FAT4: variants seen among roughly 807,000 people sequenced by gnomAD.
FAT4 encodes the protein FAT atypical cadherin 4.
FAT4 carries 84 observed loss-of-function variants against 303.9 expected under a neutral mutation model. That is an observed-to-expected ratio of 0.28 (90% CI 0.23 to 0.33). The LOEUF is 0.33. Among genes scored for constraint, FAT4 ranks in the 10% least tolerant of loss-of-function variants. The pLI, the probability that FAT4 is intolerant of heterozygous loss-of-function variation, is 1.00. For synonymous variants in FAT4, 2,307 were observed against 2,298.8 expected, an observed-to-expected ratio of 1.00 and a Z score of -0.10; for missense variants, 6,005 against 6,146.8, an observed-to-expected ratio of 0.98 and a Z score of 0.77.
Position 125,316,369 on chromosome 4 carries a change from C to G in FAT4, c.-12-31C>G. The G allele has an allele frequency of 6.5e-7, 1 of 1,549,600 alleles. No individual in the cohort carries two copies. The highest frequency in any genetic ancestry group is 8.7e-7 in the Non-Finnish European group (1 of 1,147,488). On this transcript the variant is annotated intron_variant, in intron 1 of 17. Transcript: ENST00000394329. This position sits in a 1 kb window ranked among gnomAD's most constrained non-coding sequence, Gnocchi z 5.7. Reference sequence around the variant, plus strand: ...TGTAAATATCATTGCGTTTGCTTCACCCCTTCCTTCTCTTTATCACATCGT... The same window carrying G: ...TGTAAATATCATTGCGTTTGCTTCAGCCCTTCCTTCTCTTTATCACATCGT...
At chr4:125,455,679 A>G (rs374421777) in intron 10 of FAT4, among the ~76,000 whole-genome samples, 9 of 152,276 alleles carry the variant, frequency 5.9e-5, no homozygotes, top group African/African-American at 2.2e-4. Context: ...TGCTATTTAT[A>G]TACATGTCGC....
chr4:125,425,866 A>G (rs1268877600), intron 7 of FAT4, among the ~76,000 whole-genome samples: 2 of 152,138 alleles, frequency 1.3e-5, no homozygotes, highest in Non-Finnish European at 2.9e-5. Context: ...GTGTGTCAGC[A>G]TAAATAGTAG....
Position 125,320,958 on chromosome 4 carries a change from C to T in FAT4, c.4547C>T (p.Thr1516Ile), listed in dbSNP as rs1476648469. 6.2e-7 allele frequency: 1 copy of T among 1,614,188 alleles called. No individual in the cohort carries two copies. The highest frequency in any genetic ancestry group is 1.1e-5 in the South Asian group (1 of 91,090). ...ETRRYALKNV[T>I]ILVTDLNDNV... ...AGACGGTATGCTTTGAAGAACGTGACCATTTTGGTTACAGACCTCAATGAC... is the reference window on the plus strand; with the variant it reads ...AGACGGTATGCTTTGAAGAACGTGATCATTTTGGTTACAGACCTCAATGAC... Residue 1516 changes from threonine to isoleucine, a missense_variant, in exon 2 of 18, where the codon ACC (threonine) becomes ATC (isoleucine). Physicochemically the swap from Thr to Ile is moderately conservative, Grantham distance 89. Transcript: ENST00000394329.
chr4:125,445,189 G>A (rs1560611762), intron 8 of FAT4, among the ~76,000 whole-genome samples: 1 of 151,966 alleles, frequency 6.6e-6, no homozygotes, highest in Admixed American at 6.6e-5. Context: ...TCCCTGTTTT[G>A]CTATCATTTT....
At chr4:125,367,995 GT>G (rs1037163065) in intron 2 of FAT4, among the ~76,000 whole-genome samples, 5 of 152,028 alleles carry the variant, frequency 3.3e-5, no homozygotes, top group African/African-American at 9.7e-5. Context: ...TGCCAGTCCA[GT>G]TTTTTTCCCC....
At position 125,450,295 on chromosome 4, in the gene FAT4, C is replaced by T; in HGVS notation, c.9285C>T (p.His3095=). Residue 3095 remains histidine, a synonymous_variant, in exon 10 of 18, where the codon CAC becomes CAT. Coordinates refer to ENST00000394329, the MANE Select transcript of FAT4 (RefSeq NM_001291303.3). ...NYHTPEFSQS[H]MSATIPESHS... ...ATACACCTGAATTCTCTCAAAGCCA[C>T]ATGAGTGCAACCATCCCTGAGAGCC... 6.2e-7 allele frequency: 1 copy of T among 1,614,104 alleles called. No individual in the cohort carries two copies.
At chr4:125,364,148 C>A (rs1216625961) in intron 2 of FAT4, among the ~76,000 whole-genome samples, 1 of 151,818 alleles carries the variant, frequency 6.6e-6, no homozygotes, top group East Asian at 1.9e-4. Flanking sequence ...CTCTCTTTCT[C>A]TCTTCTCTCC....
rs1162382312 is a variant in FAT4, at chr4:125,452,604, T to C, written c.11594T>C (p.Ile3865Thr). 2.8e-5 allele frequency: 46 copies of C among 1,614,148 alleles called. No individual in the cohort carries two copies. Among genetic ancestry groups the C allele is most frequent in the Middle Eastern group, 1.6e-4 (1 of 6,062 alleles). Residue 3865 changes from isoleucine to threonine, a missense_variant, in exon 10 of 18, where the codon ATA becomes ACA. Physicochemically the swap from Ile to Thr is moderately conservative, Grantham distance 89. Coordinates refer to ENST00000394329, the MANE Select transcript of FAT4 (RefSeq NM_001291303.3). ...GYAGSWCEID[I>T]DECLPSPCHS... ...GCGGGTAGCTGGTGTGAAATAGATA[T>C]AGATGAATGTCTTCCATCACCTTGC...
At chr4:125,409,621 C>T (rs1464051112) in intron 5 of FAT4, among the ~76,000 whole-genome samples, 2 of 152,140 alleles carry the variant, frequency 1.3e-5, no homozygotes, top group African/African-American at 4.8e-5. Context: ...TTAATTTATG[C>T]TAATGATCAA....
In FAT4 at chr4:125,321,314, A is replaced by G. The variant is rs754135078; in HGVS notation, c.4903A>G (p.Ile1635Val). 1.7e-5 allele frequency: 27 copies of G among 1,614,016 alleles called. No homozygotes were observed. Among genetic ancestry groups the G allele is most frequent in the Non-Finnish European group, 2.3e-5 (27 of 1,180,012 alleles). Residue 1635 changes from isoleucine (I) to valine (V), a missense_variant, in exon 2 of 18, where the codon ATA becomes GTA. Coordinates refer to ENST00000394329, the MANE Select transcript of FAT4 (RefSeq NM_001291303.3). ...DGPVFTQPKY[I>V]TILKEGEPIG... ...ACCTGTTTTTACTCAACCCAAATAT[A>G]TAACTATTTTGAAGGAAGGAGAACC...
chr4:125,326,801 A>G (rs1352269866), intron 2 of FAT4, among the ~76,000 whole-genome samples: 1 of 152,168 alleles, frequency 6.6e-6, no homozygotes, highest in Non-Finnish European at 1.5e-5. Flanking sequence ...CAAGGCAGAC[A>G]ATTCCTTGAG....
chr4:125,319,456 C>G lies in FAT4; in HGVS notation c.3045C>G (p.Phe1015Leu). The G allele has an allele frequency of 6.2e-7, 1 of 1,613,678 alleles. No homozygotes were observed. The highest frequency in any genetic ancestry group is 8.5e-7 in the Non-Finnish European group (1 of 1,179,666). ...AGTCAGAACCTGTGAATTCTCGATT[C>G]TTTAAAGTACAAGCTTCTGATAAGG... ...LSESEPVNSR[F>L]FKVQASDKDS... is the part of the protein sequence containing the mutation. The change falls in exon 2 of 18, where the codon TTC becomes TTG. Residue 1015 changes from phenylalanine (F) to leucine (L), a missense_variant. Phe to Leu is a conservative substitution (Grantham distance 22). Transcript: ENST00000394329.
rs531437241 is a variant in FAT4 at position 125,451,199 on chromosome 4, G to A, written c.10189G>A (p.Val3397Met). The A allele has an allele frequency of 5.0e-6, 8 of 1,614,066 alleles. No individual in the cohort carries two copies. The East Asian group carries it at 6.7e-5, about 13-fold the overall frequency. The change falls in exon 10 of 18, where the codon GTG becomes ATG. Residue 3397 changes from valine to methionine, a missense_variant. Coordinates refer to ENST00000394329, the MANE Select transcript of FAT4 (RefSeq NM_001291303.3). ...AGATGAGGTCACTGTAAATGTCACC[G>A]TGCTTGATGCAAATGACCCACCCAT... Reference protein sequence around the residue: ...DIDEVTVNVTVLDANDPPIFT... With the variant: ...DIDEVTVNVTMLDANDPPIFT...
intron 2 of FAT4, among the ~76,000 whole-genome samples, chr4:125,347,505 C>A (rs1273419600): frequency 6.6e-6 from 1 of 151,030 alleles, no homozygotes; most frequent in African/African-American, 2.4e-5. Context: ...CACTTAACTA[C>A]CAACATTTGT....
In FAT4 at chr4:125,319,966, G is replaced by T; in HGVS notation, c.3555G>T (p.Gly1185=). The change falls in exon 2 of 18, where the codon GGG becomes GGT. Residue 1185 remains glycine (G), a synonymous_variant. Transcript: ENST00000394329. ...TTACAGTCATAGCAACAGATCAGGG[G>T]ATCCCTCAGCCTCTCAAGGATCAGG... ...FSFTVIATDQ[G]IPQPLKDQAT... is the part of the protein sequence containing the mutation. 11 of 1,613,150 alleles carry T rather than the reference G, an allele frequency of 6.8e-6. No individual in the cohort carries two copies. The highest frequency in any genetic ancestry group is 9.3e-6 in the Non-Finnish European group (11 of 1,179,986).
intron 8 of FAT4, among the ~76,000 whole-genome samples, chr4:125,445,171 C>G (rs1055721297): frequency 2.0e-5 from 3 of 152,104 alleles, no homozygotes; most frequent in African/African-American, 7.2e-5. Flanking sequence ...AACCACTTCT[C>G]TATTCTTTCC....
At chr4:125,475,938 G>T (rs1727013740) in intron 12 of FAT4, among the ~76,000 whole-genome samples, 1 of 151,966 alleles carries the variant, frequency 6.6e-6, no homozygotes, top group African/African-American at 2.4e-5. Flanking sequence ...GATTTTTAAA[G>T]GTACCCTTTT....
chr4:125,465,292 A>G (rs1348021342), intron 11 of FAT4, among the ~76,000 whole-genome samples: 1 of 152,144 alleles, frequency 6.6e-6, no homozygotes, highest in Non-Finnish European at 1.5e-5. Context: ...AAGGTATATC[A>G]AGGTCAAAAT....
intron 2 of FAT4, among the ~76,000 whole-genome samples, chr4:125,357,050 G>A (rs1040004897): frequency 1.6e-4 from 25 of 151,838 alleles, no homozygotes; most frequent in African/African-American, 6.0e-4. Flanking sequence ...TTTATACAAA[G>A]CAACCAGTAA....
Sources: allele counts gnomAD v4.1 joint callset (sites outside exome capture counted in the v4.1 genomes callset), GRCh38; gene constraint gnomAD v4.1.1; non-coding constraint Gnocchi (gnomAD v3.1); transcripts MANE v1.5; gene names NCBI Gene and HGNC (gene_info 2026-07-23, HGNC 2026-07-21).